LRMDA: variants seen among roughly 807,000 people sequenced by gnomAD.
The protein encoded by LRMDA is leucine rich melanocyte differentiation associated.
A neutral mutation model predicts 29.8 loss-of-function variants in LRMDA; 18 were observed. The observed-to-expected ratio is 0.60, with a 90% CI of 0.42 to 0.90. LRMDA has a LOEUF of 0.90. Ranked by LOEUF, LRMDA falls within the 40% of genes least tolerant of loss-of-function variation. LRMDA has a pLI of 0.00. For synonymous variants in LRMDA, 125 were observed against 109.4 expected (o/e 1.14, Z -0.89); for missense variants, 273 against 273.9 (o/e 1.00, Z 0.02).
intron 2 of LRMDA, among the ~76,000 whole-genome samples, chr10:75,483,750 C>T (rs1047114808): frequency 6.6e-6 from 1 of 151,778 alleles, no homozygotes; most frequent in African/African-American, 2.4e-5. Context: ...TTTTTCAATT[C>T]TCCTGGGATT....
At chr10:76,483,903 G>A (rs982367357) in intron 6 of LRMDA, among the ~76,000 whole-genome samples, 5 of 151,760 alleles carry the variant, frequency 3.3e-5, no homozygotes, top group Non-Finnish European at 5.9e-5. Flanking sequence ...AGTTCCATTT[G>A]CAACCATGAT....
intron 2 of LRMDA, among the ~76,000 whole-genome samples, chr10:75,858,230 C>T (rs1014903787): frequency 3.9e-5 from 6 of 152,152 alleles, no homozygotes; most frequent in South Asian, 2.1e-4. Flanking sequence ...CCTGTATCAC[C>T]GCAGTAAGTG....
chr10:75,524,630 T>C (rs1462681000), intron 2 of LRMDA, among the ~76,000 whole-genome samples: 1 of 152,186 alleles, frequency 6.6e-6, no homozygotes, highest in African/African-American at 2.4e-5. Flanking sequence ...TCTGTGTATA[T>C]GGTGTCTTCT....
At chr10:75,747,424 G>C (rs1218530286) in intron 2 of LRMDA, among the ~76,000 whole-genome samples, 1 of 152,068 alleles carries the variant, frequency 6.6e-6, no homozygotes, top group Non-Finnish European at 1.5e-5. Flanking sequence ...TGGTTAACAA[G>C]CAAAAAATAA....
At chr10:75,764,454 T>A (rs1333682530) in intron 2 of LRMDA, among the ~76,000 whole-genome samples, 1 of 152,210 alleles carries the variant, frequency 6.6e-6, no homozygotes, top group Non-Finnish European at 1.5e-5. Flanking sequence ...TAGATTCTCG[T>A]AATTTTCCAT....
chr10:75,701,667 A>AC (rs1842309688), intron 2 of LRMDA, among the ~76,000 whole-genome samples: 1 of 152,136 alleles, frequency 6.6e-6, no homozygotes, highest in Non-Finnish European at 1.5e-5. Context: ...AGGGGAGCAG[A>AC]CCCCCACTAG....
At chr10:75,556,124 C>A (rs770419447) in intron 2 of LRMDA, among the ~76,000 whole-genome samples, 1 of 151,534 alleles carries the variant, frequency 6.6e-6, no homozygotes, top group African/African-American at 2.4e-5. Context: ...TGAAAATATC[C>A]CAAATTTGAT....
At chr10:75,991,716 T>C (rs1390245598) in intron 2 of LRMDA, among the ~76,000 whole-genome samples, 1 of 152,222 alleles carries the variant, frequency 6.6e-6, no homozygotes, top group East Asian at 1.9e-4. Flanking sequence ...TCACATCCTC[T>C]CATAGTTTTT....
Position 76,339,173 on chromosome 10 carries a change from T to G in LRMDA, c.601+14688T>G, listed in dbSNP as rs545044747. On this transcript the variant is annotated intron_variant, in intron 6 of 6. Transcript: ENST00000611255. The stretch of plus-strand genomic sequence containing the variant: ...TGGCTCATATCCACAAACTGGCTCA[T>G]AAAGAAAAGTGTAACATGCTTCTTT... Among the ~76,000 whole-genome samples the G allele has an allele frequency of 4.7e-5, 7 of 149,444 alleles. No individual in the cohort carries two copies. The South Asian group carries it at 1.3e-3, about 27-fold the overall frequency.
At chr10:75,467,938 T>C (rs543933591) in intron 2 of LRMDA, among the ~76,000 whole-genome samples, 1 of 144,116 alleles carries the variant, frequency 6.9e-6, no homozygotes, top group African/African-American at 2.7e-5. Context: ...TCCAGCCTGG[T>C]GACAGAGTGA....
chr10:75,986,446 G>A (rs1001439612), intron 2 of LRMDA, among the ~76,000 whole-genome samples: 4 of 152,246 alleles, frequency 2.6e-5, no homozygotes, highest in African/African-American at 9.6e-5. Flanking sequence ...GGGGGAGGGA[G>A]GATTGGCATT....
intron 2 of LRMDA, among the ~76,000 whole-genome samples, chr10:75,995,294 G>A (rs918770840): frequency 1.3e-5 from 2 of 152,172 alleles, no homozygotes; most frequent in Non-Finnish European, 2.9e-5. Context: ...TTCTGAGGAA[G>A]GTGGAGTTTC....
chr10:76,459,814 C>G (rs1021694517), intron 6 of LRMDA, among the ~76,000 whole-genome samples: 2 of 151,876 alleles, frequency 1.3e-5, no homozygotes, highest in Non-Finnish European at 2.9e-5. Flanking sequence ...TGGGGTACAA[C>G]GTGCAGGTTT....
intron 2 of LRMDA, among the ~76,000 whole-genome samples, chr10:75,514,935 C>T (rs139800060): frequency 4.0e-5 from 6 of 151,874 alleles, no homozygotes; most frequent in East Asian, 1.9e-4. Context: ...TGGGCCTTTC[C>T]GATGACTCTT....
intron 3 of LRMDA, among the ~76,000 whole-genome samples, chr10:76,044,832 G>C (rs1224893241): frequency 1.3e-5 from 2 of 152,340 alleles, no homozygotes; most frequent in South Asian, 2.1e-4. Context: ...GAAGCAGGGA[G>C]GATGTTGGTG....
At chr10:76,157,559 A>T (rs1179689524) in intron 5 of LRMDA, among the ~76,000 whole-genome samples, 7 of 152,076 alleles carry the variant, frequency 4.6e-5, no homozygotes, top group Non-Finnish European at 8.8e-5. Flanking sequence ...GGCTGCAATG[A>T]GCTATGAGTG....
chr10:76,313,551 G>A (rs1840655987), intron 5 of LRMDA, among the ~76,000 whole-genome samples: 1 of 152,082 alleles, frequency 6.6e-6, no homozygotes, highest in South Asian at 2.1e-4. Flanking sequence ...TTTTCTTACT[G>A]TTCTTTCCAT....
chr10:75,435,033 AT>A (rs1329793068), intron 1 of LRMDA, among the ~76,000 whole-genome samples: 1 of 152,208 alleles, frequency 6.6e-6, no homozygotes, highest in Non-Finnish European at 1.5e-5. Flanking sequence ...TTAACTTGTT[AT>A]ATTTTCATTT....
At chr10:75,514,580 A>T (rs1267515061) in intron 2 of LRMDA, among the ~76,000 whole-genome samples, 1 of 152,070 alleles carries the variant, frequency 6.6e-6, no homozygotes, top group Non-Finnish European at 1.5e-5. Flanking sequence ...ATCCATCATG[A>T]ATGGCTTGAT....
Sources: allele counts gnomAD v4.1 joint callset (sites outside exome capture counted in the v4.1 genomes callset), GRCh38; gene constraint gnomAD v4.1.1; transcripts MANE v1.5; gene names NCBI Gene and HGNC (gene_info 2026-07-23, HGNC 2026-07-21).